Variants in ACSL4 observed in about 807,000 individuals in gnomAD.
ACSL4 encodes the protein long-chain-fatty-acid--CoA ligase 4.
In ACSL4, 9 loss-of-function variants were observed where a neutral mutation model predicts 49.1. The observed-to-expected ratio is 0.18, with a 90% confidence interval of 0.11 to 0.32. ACSL4 has a LOEUF of 0.32. Ranked by LOEUF, ACSL4 falls within the 10% of genes least tolerant of loss-of-function variation. The pLI, the probability that ACSL4 is intolerant of heterozygous loss-of-function variation, is 1.00. For synonymous variants in ACSL4, 191 were observed against 170.3 expected, an observed-to-expected ratio of 1.12 and a Z score of -0.95; for missense variants, 333 against 493.7, an observed-to-expected ratio of 0.67 and a Z score of 3.08.
chrX:109,721,283 T>C (rs1412179182), intron 1 of ACSL4, among the ~76,000 whole-genome samples: 7 of 112,571 alleles, frequency 6.2e-5, no homozygotes, highest in Non-Finnish European at 1.3e-4. Context: ...ATTTTCACCA[T>C]CTTAGCAGGG....
intron 1 of ACSL4, among the ~76,000 whole-genome samples, chrX:109,730,448 C>T (rs141346921): frequency 9.0e-6 from 1 of 111,713 alleles, no homozygotes; most frequent in Non-Finnish European, 1.9e-5. Context: ...TTAACTTCTC[C>T]AGAATTTTGT....
At chrX:109,692,601 G>A (rs1008149053) in intron 2 of ACSL4, among the ~76,000 whole-genome samples, 1 of 111,865 alleles carries the variant, frequency 8.9e-6, no homozygotes, top group East Asian at 2.8e-4. Context: ...CTGTAGAAGG[G>A]CAGCAGACAG....
intron 12 of ACSL4, among the ~76,000 whole-genome samples, chrX:109,664,251 C>A (rs2147397504): frequency 9.0e-6 from 1 of 111,274 alleles, no homozygotes; most frequent in African/African-American, 3.3e-5. Context: ...CAACAAGGGA[C>A]CTACTCCCCA....
chrX:109,684,928 TGACTAAATACGCTACGGTA>T (rs1310245474), intron 2 of ACSL4, among the ~76,000 whole-genome samples: 1 of 110,779 alleles, frequency 9.0e-6, no homozygotes, highest in East Asian at 2.8e-4. Flanking sequence ...TAAATACGCT[TGACTAAATACGCTACGGTA>T]GTTACAAAAT....
chrX:109,708,380 A>G (rs1926512974), intron 1 of ACSL4, among the ~76,000 whole-genome samples: 1 of 112,538 alleles, frequency 8.9e-6, no homozygotes. Flanking sequence ...ATGTGTGTCT[A>G]TGTATTGATA....
intron 1 of ACSL4, among the ~76,000 whole-genome samples, chrX:109,715,532 T>C (rs750330530): frequency 4.5e-5 from 5 of 110,341 alleles, no homozygotes; most frequent in African/African-American, 1.6e-4. Flanking sequence ...CCCAGATACT[T>C]GGGAGGCTGA....
chrX:109,649,913 A>C (rs1934938383), intron 15 of ACSL4, among the ~76,000 whole-genome samples: 1 of 107,715 alleles, frequency 9.3e-6, no homozygotes, highest in Non-Finnish European at 1.9e-5. Flanking sequence ...GCAGCCAAAA[A>C]ACACATGAAA....
At chrX:109,721,552 T>C (rs1197523599) in intron 1 of ACSL4, among the ~76,000 whole-genome samples, 1 of 109,909 alleles carries the variant, frequency 9.1e-6, no homozygotes, top group East Asian at 2.8e-4. Context: ...GCCAACATGG[T>C]GAAACCCCAT....
intron 15 of ACSL4, among the ~76,000 whole-genome samples, chrX:109,646,894 T>A (rs1934738374): frequency 1.8e-5 from 2 of 110,765 alleles, no homozygotes; most frequent in Admixed American, 1.9e-4. Flanking sequence ...TAAAACAGAC[T>A]TTAAACCAAC....
chrX:109,664,853 A>C, intron 12 of ACSL4, among the ~76,000 whole-genome samples: 1 of 112,203 alleles, frequency 8.9e-6, no homozygotes, highest in East Asian at 2.8e-4. Flanking sequence ...GTGTATATTT[A>C]GTATCTTTCA....
In ACSL4 at chrX:109,669,129, T is replaced by C. The variant is rs1450598011; in HGVS notation, c.1047A>G (p.Gln349=). 1 of 1,175,302 alleles carries C rather than the reference T, an allele frequency of 8.5e-7. No homozygotes were observed. Among genetic ancestry groups the C allele is most frequent in the Admixed American group, 2.2e-5 (1 of 45,730 alleles). ...GAGTTTTCTGAATATAATTCATCTC[T>C]TGGACTTTGCTCATAACATTCTTAT... ...RIYKNVMSKV[Q]EMNYIQKTLF... Residue 349 remains glutamine (Q), a synonymous_variant, in exon 10 of 16, where the codon CAA becomes CAG. Coordinates refer to ENST00000672401, the MANE Select transcript of ACSL4 (RefSeq NM_001318510.2).
At chrX:109,665,773 A>G (rs1292880703) in intron 11 of ACSL4, among the ~76,000 whole-genome samples, 1 of 111,987 alleles carries the variant, frequency 8.9e-6, no homozygotes, top group Non-Finnish European at 1.9e-5. Context: ...TAAGCTTGTC[A>G]TAAGATAGAT....
At position 109,646,433 on chromosome X, in the gene ACSL4, T is replaced by G. The variant is rs941225081; in HGVS notation, c.1856-2247A>C. On this transcript the variant is annotated intron_variant, in intron 15 of 15. Coordinates refer to ENST00000672401, the MANE Select transcript of ACSL4 (RefSeq NM_001318510.2). ...ATCCGGCCAAACTAAGCTTCATAAG[T>G]GAAGGAGAAATAAAATACTTTACAG... Among the ~76,000 whole-genome samples, 988 of 109,372 alleles carry G rather than the reference T, an allele frequency of 9.0e-3. 11 individuals are homozygous for G. The highest frequency in any genetic ancestry group is 0.031 in the African/African-American group (933 of 29,944). 95.0% of individuals were successfully genotyped at this position (109,372 alleles called of 115,157 possible). A position where few individuals can be genotyped will look rare whatever the true frequency, so the allele number is the denominator to read the frequency against.
intron 12 of ACSL4, 57 bp downstream of exon 12, chrX:109,665,363 G>T: frequency 9.7e-7 from 1 of 1,032,862 alleles, no homozygotes; most frequent in Non-Finnish European, 1.4e-6. Context: ...AAGTCATAAA[G>T]CTGACAGTAG....
chrX:109,694,452 A>C (rs1456912449), intron 2 of ACSL4, among the ~76,000 whole-genome samples: 1 of 111,592 alleles, frequency 9.0e-6, no homozygotes, highest in Non-Finnish European at 1.9e-5. Context: ...GTAAAATGAG[A>C]AAGTTGGGTT....
At chrX:109,668,981 A>C in intron 10 of ACSL4, 53 bp downstream of exon 10, 2 of 1,080,793 alleles carry the variant, frequency 1.9e-6, no homozygotes, top group South Asian at 3.9e-5. Context: ...CTGGATTTAA[A>C]AGCATAAAAA....
chrX:109,661,680 C>T (rs778872096), intron 13 of ACSL4, 35 bp from the exon 14 acceptor site: 2 of 946,540 alleles, frequency 2.1e-6, no homozygotes, highest in East Asian at 3.1e-5. Flanking sequence ...GTCTGTTTAA[C>T]TAAGGTATAT....
At chrX:109,687,276 G>GTT (rs1924689223) in intron 2 of ACSL4, among the ~76,000 whole-genome samples, 1 of 112,369 alleles carries the variant, frequency 8.9e-6, no homozygotes, top group Admixed American at 9.4e-5. Flanking sequence ...AGAGTTGGTG[G>GTT]TAAGGGTATG....
At chrX:109,656,970 C>G (rs954554477) in intron 15 of ACSL4, among the ~76,000 whole-genome samples, 4 of 111,651 alleles carry the variant, frequency 3.6e-5, no homozygotes, top group African/African-American at 9.8e-5. Flanking sequence ...CTCCTGGCAT[C>G]TTGCCAATCA....
Sources: allele counts gnomAD v4.1 joint callset (sites outside exome capture counted in the v4.1 genomes callset), GRCh38; gene constraint gnomAD v4.1.1; transcripts MANE v1.5; gene names NCBI Gene and HGNC (gene_info 2026-07-23, HGNC 2026-07-21).